The following CCDC102B variants were observed in gnomAD, a reference collection of about 807,000 sequenced individuals.
CCDC102B encodes the protein coiled-coil domain-containing protein 102B.
CCDC102B carries 75 observed loss-of-function variants against 57.4 expected under a neutral mutation model. The ratio of observed to expected loss-of-function variants is 1.31; its 90% confidence interval spans 1.08 to 1.58. The LOEUF (loss-of-function observed/expected upper bound fraction) is 1.58, where lower values mean the gene tolerates loss of function less well. CCDC102B is among the 40% of genes most tolerant of loss of function. The pLI, the probability that CCDC102B is intolerant of heterozygous loss-of-function variation, is 0.00. For synonymous variants in CCDC102B, 206 were observed against 201.9 expected (o/e 1.02, Z -0.17); for missense variants, 636 against 582.6 (o/e 1.09, Z -0.94).
intron 4 of CCDC102B, among the ~76,000 whole-genome samples, chr18:68,857,061 ATT>A (rs1163115541): frequency 8.3e-6 from 1 of 120,964 alleles, no homozygotes; most frequent in South Asian, 2.3e-4. Flanking sequence ...ATATAAATAT[ATT>A]TTTATATATT....
intron 2 of CCDC102B, among the ~76,000 whole-genome samples, chr18:68,726,498 C>T (rs2032601641): frequency 6.6e-6 from 1 of 152,170 alleles, no homozygotes; most frequent in African/African-American, 2.4e-5. Flanking sequence ...CTCCATTAAA[C>T]AATAACTTTA....
chr18:68,784,298 G>A lies in CCDC102B; in HGVS notation c.-66-39068G>A, dbSNP rs572823746. Among the ~76,000 whole-genome samples the A allele has an allele frequency of 4.6e-5, 7 of 152,228 alleles. No individual in the cohort carries two copies. In the South Asian group the frequency reaches 8.3e-4, roughly 18 times the overall value. On this transcript the variant is annotated intron_variant, in intron 2 of 3. Transcript: ENST00000578970. ...GTGAGTGAGGCGTCTCACATGGTGGGAGCAGGAGGAAGAGAGAGAGGGAAG... is the reference window on the plus strand; with the variant it reads ...GTGAGTGAGGCGTCTCACATGGTGGAAGCAGGAGGAAGAGAGAGAGGGAAG...
chr18:68,802,205 A>G (rs1228389808), intron 1 of CCDC102B, among the ~76,000 whole-genome samples: 1 of 152,124 alleles, frequency 6.6e-6, no homozygotes, highest in South Asian at 2.1e-4. Context: ...GCTTTGTTCT[A>G]TCTTTGTTTG....
chr18:68,869,743 A>G (rs927009025), intron 4 of CCDC102B, among the ~76,000 whole-genome samples: 6 of 152,132 alleles, frequency 3.9e-5, no homozygotes, highest in East Asian at 3.9e-4. Flanking sequence ...CCATTTGTCA[A>G]TTTTGGTTTT....
chr18:68,820,508 A>ATTAC (rs1316529836), intron 1 of CCDC102B, among the ~76,000 whole-genome samples: 1 of 152,048 alleles, frequency 6.6e-6, no homozygotes, highest in African/African-American at 2.4e-5. Flanking sequence ...AGTCCTGGTA[A>ATTAC]GGTCTTGTTA....
chr18:68,804,344 C>A (rs1358588923), intron 1 of CCDC102B, among the ~76,000 whole-genome samples: 1 of 152,094 alleles, frequency 6.6e-6, no homozygotes, highest in Non-Finnish European at 1.5e-5. Flanking sequence ...GATTAGATAT[C>A]CTTAGTGATG....
chr18:68,881,799 C>T (rs942813306), intron 5 of CCDC102B, among the ~76,000 whole-genome samples: 2 of 152,054 alleles, frequency 1.3e-5, no homozygotes, highest in South Asian at 4.1e-4. Context: ...TTCTCTCTGT[C>T]TCTCTCTGTC....
At chr18:69,012,717 T>C (rs2051551864) in intron 7 of CCDC102B, among the ~76,000 whole-genome samples, 1 of 152,094 alleles carries the variant, frequency 6.6e-6, no homozygotes, top group African/African-American at 2.4e-5. Context: ...TCAGCGATCC[T>C]GAAATTAAGA....
chr18:68,805,920 G>C (rs2036018119), intron 1 of CCDC102B, among the ~76,000 whole-genome samples: 2 of 152,116 alleles, frequency 1.3e-5, no homozygotes, highest in African/African-American at 4.8e-5. Context: ...CTACAGTGTT[G>C]TCAGTGATCT....
chr18:68,924,096 C>G (rs1474806381), intron 6 of CCDC102B, among the ~76,000 whole-genome samples: 1 of 151,540 alleles, frequency 6.6e-6, no homozygotes, highest in East Asian at 2.0e-4. Context: ...TGCTGTGGTA[C>G]AGTCTCTGCG....
At chr18:69,050,083 A>G (rs2052667035) in intron 7 of CCDC102B, among the ~76,000 whole-genome samples, 1 of 152,128 alleles carries the variant, frequency 6.6e-6, no homozygotes, top group South Asian at 2.1e-4. Flanking sequence ...TGTTGGTATT[A>G]TAGGCATGAG....
intron 6 of CCDC102B, among the ~76,000 whole-genome samples, chr18:68,935,801 T>C (rs2049219918): frequency 6.6e-6 from 1 of 151,718 alleles, no homozygotes; most frequent in South Asian, 2.1e-4. Flanking sequence ...AAGTGCAGCA[T>C]CCTGGAGCTG....
At chr18:68,723,076 C>G (rs1244254196) in intron 2 of CCDC102B, among the ~76,000 whole-genome samples, 2 of 152,040 alleles carry the variant, frequency 1.3e-5, no homozygotes, top group African/African-American at 4.8e-5. Flanking sequence ...AACTTACAAT[C>G]ATGGTGGAAG....
chr18:69,015,127 C>A (rs150626962), intron 7 of CCDC102B, among the ~76,000 whole-genome samples: 1 of 152,044 alleles, frequency 6.6e-6, no homozygotes, highest in Non-Finnish European at 1.5e-5. Flanking sequence ...GAATGCGTGC[C>A]GTTTTCCAAA....
At chr18:68,808,104 A>G (rs961740681) in intron 1 of CCDC102B, among the ~76,000 whole-genome samples, 2 of 152,210 alleles carry the variant, frequency 1.3e-5, no homozygotes, top group South Asian at 4.1e-4. Flanking sequence ...AGTGAAATCA[A>G]CATTTTGGAT....
At chr18:69,000,353 T>C (rs538421555) in intron 6 of CCDC102B, among the ~76,000 whole-genome samples, 28 of 152,304 alleles carry the variant, frequency 1.8e-4, no homozygotes, top group African/African-American at 6.7e-4. Context: ...ATGTCTTGAT[T>C]TCTTCTGGGA....
intron 5 of CCDC102B, 34 bp from the exon 6 acceptor site, chr18:68,897,185 C>T (rs1331956280): frequency 1.3e-6 from 2 of 1,562,802 alleles, no homozygotes; most frequent in Non-Finnish European, 1.7e-6. Context: ...ATTGCAAATG[C>T]TGCATGCTGC....
At chr18:68,774,323 A>G (rs947021597) in intron 2 of CCDC102B, among the ~76,000 whole-genome samples, 5 of 151,596 alleles carry the variant, frequency 3.3e-5, no homozygotes, top group African/African-American at 1.2e-4. Context: ...TTATATATGT[A>G]TTTATATACA....
At chr18:68,773,376 GCAGTAAAGAGAAGATCAAGTTTATCTAAA>G (rs1358569486) in intron 2 of CCDC102B, among the ~76,000 whole-genome samples, 1 of 151,960 alleles carries the variant, frequency 6.6e-6, no homozygotes, top group Non-Finnish European at 1.5e-5. Flanking sequence ...TGCTTCATAT[GCAGTAAAGAGAAGATCAAGTTTATCTAAA>G]ATGAAGTTTT....
Sources: allele counts gnomAD v4.1 joint callset (sites outside exome capture counted in the v4.1 genomes callset), GRCh38; gene constraint gnomAD v4.1.1; transcripts MANE v1.5; gene names NCBI Gene and HGNC (gene_info 2026-07-23, HGNC 2026-07-21).